The following DOCK3 variants were observed in gnomAD, a reference collection of about 807,000 sequenced individuals.
The protein encoded by DOCK3 is dedicator of cytokinesis protein 3.
DOCK3 carries 60 observed loss-of-function variants against 265.6 expected under a neutral mutation model. That is an observed-to-expected ratio of 0.23 (90% confidence interval 0.18 to 0.28). The LOEUF (loss-of-function observed/expected upper bound fraction) is 0.28. Among genes scored for constraint, DOCK3 ranks in the 10% least tolerant of loss-of-function variants. DOCK3 has a pLI of 1.00. For missense variants in DOCK3, 1,981 were observed against 2,594.3 expected, an observed-to-expected ratio of 0.76 and a Z score of 5.14; for synonymous variants, 881 against 938.0, an observed-to-expected ratio of 0.94 and a Z score of 1.11.
chr3:51,227,478 T>A (rs1385994023), intron 16 of DOCK3, 33 bp downstream of exon 16: 1 of 1,612,266 alleles, frequency 6.2e-7, no homozygotes, highest in Non-Finnish European at 8.5e-7. Flanking sequence ...CACATTCCCT[T>A]GAGAATATAA....
Position 51,113,490 on chromosome 3 carries a change from T to C in DOCK3, c.746+23106T>C, listed in dbSNP as rs189433210. 3.1e-3 allele frequency among the ~76,000 whole-genome samples: 467 copies of C among 152,266 alleles called. 4 individuals carry two copies. Among genetic ancestry groups the C allele is most frequent in the South Asian group, 0.017 (82 of 4,816 alleles). On this transcript the variant is annotated intron_variant, in intron 9 of 52. Transcript: ENST00000266037. ...AGAAGCTGTACCATCACTAAAACTC[T>C]GAAGCTTCTCGAACATTAATCCACG...
intron 9 of DOCK3, among the ~76,000 whole-genome samples, chr3:51,133,554 A>G (rs565492843): frequency 2.0e-5 from 3 of 152,080 alleles, no homozygotes; most frequent in African/African-American, 7.2e-5. Flanking sequence ...TTCTTAATCC[A>G]GTCTATCATT....
intron 2 of DOCK3, among the ~76,000 whole-genome samples, chr3:50,807,249 CTTTTTTTTTTTTT>C (rs59370167): frequency 5.7e-4 from 82 of 144,292 alleles, no homozygotes; most frequent in Middle Eastern, 3.6e-3. Context: ...CTGCCACGCT[CTTTTTTTTTTTTT>C]TTTTTTTTTT....
chr3:51,105,389 T>G (rs1202036323), intron 9 of DOCK3, among the ~76,000 whole-genome samples: 1 of 152,212 alleles, frequency 6.6e-6, no homozygotes, highest in East Asian at 1.9e-4. Context: ...CTACTCTGTT[T>G]CAGCAGTTCT....
chr3:51,233,170 G>A (rs757839107), intron 19 of DOCK3, among the ~76,000 whole-genome samples: 1 of 152,136 alleles, frequency 6.6e-6, no homozygotes, highest in African/African-American at 2.4e-5. Flanking sequence ...AATTATGTTG[G>A]TAGTTTGATA....
chr3:50,877,623 A>G (rs1206985297), intron 3 of DOCK3: 1 of 478,170 alleles, frequency 2.1e-6, no homozygotes, highest in Non-Finnish European at 4.2e-6. Flanking sequence ...GTAGTGCACC[A>G]TTATCTAGGG....
At chr3:50,842,387 T>A (rs1472298984) in intron 3 of DOCK3, among the ~76,000 whole-genome samples, 2 of 152,168 alleles carry the variant, frequency 1.3e-5, no homozygotes, top group Non-Finnish European at 2.9e-5. Context: ...AAATTATCAC[T>A]TTTTTCATTC....
intron 4 of DOCK3, among the ~76,000 whole-genome samples, chr3:50,923,748 T>G (rs1438205860): frequency 6.6e-6 from 1 of 152,198 alleles, no homozygotes; most frequent in African/African-American, 2.4e-5. Context: ...TTACTTTACC[T>G]CCCATTTTAT....
intron 5 of DOCK3, among the ~76,000 whole-genome samples, chr3:51,029,447 TTTTTC>T: frequency 6.6e-6 from 1 of 152,192 alleles, no homozygotes; most frequent in Non-Finnish European, 1.5e-5. Context: ...AAAATCATTC[TTTTTC>T]AGTGCACACC....
intron 24 of DOCK3, 52 bp downstream of exon 24, chr3:51,271,059 C>T (rs544083818): frequency 6.4e-7 from 1 of 1,552,882 alleles, no homozygotes; most frequent in South Asian, 1.2e-5. Flanking sequence ...TGTCCTCCTT[C>T]CTTCCAGGGG....
intron 12 of DOCK3, among the ~76,000 whole-genome samples, chr3:51,197,839 A>T (rs1294120147): frequency 6.6e-6 from 1 of 152,172 alleles, no homozygotes; most frequent in Non-Finnish European, 1.5e-5. Flanking sequence ...CTCACACCTT[A>T]GTCCCAATGG....
At position 50,918,843 on chromosome 3, in the gene DOCK3, C is replaced by T. The variant is rs551241285; in HGVS notation, c.219-15138C>T. 4.7e-4 allele frequency among the ~76,000 whole-genome samples: 72 copies of T among 152,140 alleles called. No individual in the cohort carries two copies. In the Middle Eastern group the frequency reaches 0.01, roughly 22 times the overall value. Reference sequence around the variant, plus strand: ...GTCATGAAGTCCTTGCCCATGCCTACGACCTGAATGGTATTGCCTAGGTTT... The same window carrying T: ...GTCATGAAGTCCTTGCCCATGCCTATGACCTGAATGGTATTGCCTAGGTTT... On this transcript the variant is annotated intron_variant, in intron 4 of 52. Transcript: ENST00000266037.
In DOCK3 at chr3:50,848,565, A is replaced by G. The variant is rs2046205158; in HGVS notation, c.162+6850A>G. 2.0e-5 allele frequency among the ~76,000 whole-genome samples: 3 copies of G among 152,222 alleles called. No individual in the cohort carries two copies. The South Asian group carries it at 6.2e-4, about 32-fold the overall frequency. ...GCTAATGAAGCTTAGTTGGCAGGAT[A>G]TGAAATTCTTGGTTGGAATTTCTTT... On this transcript the variant is annotated intron_variant, in intron 3 of 52. Transcript: ENST00000266037.
chr3:51,076,291 G>A (rs534085646), intron 7 of DOCK3, among the ~76,000 whole-genome samples: 1 of 152,328 alleles, frequency 6.6e-6, no homozygotes, highest in East Asian at 1.9e-4. Flanking sequence ...AGGTTGATAA[G>A]TGTGAGATAT....
intron 2 of DOCK3, among the ~76,000 whole-genome samples, chr3:50,817,913 C>G (rs950417985): frequency 6.6e-6 from 1 of 152,174 alleles, no homozygotes; most frequent in Non-Finnish European, 1.5e-5. Context: ...TGCTTCAACC[C>G]CAGCCCAACT....
At chr3:51,163,156 G>A (rs925919504) in intron 12 of DOCK3, among the ~76,000 whole-genome samples, 1 of 152,220 alleles carries the variant, frequency 6.6e-6, no homozygotes, top group Non-Finnish European at 1.5e-5. Context: ...AATTGCTATT[G>A]ATAGTTCTTT....
chr3:51,079,075 C>T (rs560657466), intron 7 of DOCK3, among the ~76,000 whole-genome samples: 3 of 152,144 alleles, frequency 2.0e-5, no homozygotes, highest in Non-Finnish European at 4.4e-5. Context: ...AAAGAATATC[C>T]TTTTAGATTT....
chr3:51,007,903 G>T (rs905146283), intron 5 of DOCK3, among the ~76,000 whole-genome samples: 1 of 151,994 alleles, frequency 6.6e-6, no homozygotes, highest in African/African-American at 2.4e-5. Context: ...CTTGTTTTTG[G>T]TCAGGTTTGT....
chr3:51,267,385 C>CTTTTTTTT (rs111513994), intron 23 of DOCK3, among the ~76,000 whole-genome samples: 1 of 136,690 alleles, frequency 7.3e-6, no homozygotes, highest in Non-Finnish European at 1.6e-5. Flanking sequence ...TTTTTTCTTT[C>CTTTTTTTT]TTTTTTTTTT....
Sources: allele counts gnomAD v4.1 joint callset (sites outside exome capture counted in the v4.1 genomes callset), GRCh38; gene constraint gnomAD v4.1.1; transcripts MANE v1.5; gene names NCBI Gene and HGNC (gene_info 2026-07-23, HGNC 2026-07-21).